MND1: variants seen among roughly 807,000 people sequenced by gnomAD.
MND1 encodes the protein meiotic nuclear division protein 1 homolog.
A neutral mutation model predicts 35.1 loss-of-function variants in MND1; 28 were observed. The ratio of observed to expected loss-of-function variants is 0.80; its 90% CI spans 0.59 to 1.09. MND1 has a LOEUF of 1.09. Ranked by LOEUF, MND1 falls within the 50% of genes least tolerant of loss-of-function variation. The pLI is 0.00. For missense variants in MND1, 213 were observed against 239.6 expected (o/e 0.89, Z 0.73); for synonymous variants, 69 against 70.5 (o/e 0.98, Z 0.11).
At chr4:153,350,286 A>G (rs1773182743) in intron 2 of MND1, among the ~76,000 whole-genome samples, 157 bp downstream of exon 2, 1 of 152,198 alleles carries the variant, frequency 6.6e-6, no homozygotes, top group Admixed American at 6.6e-5. Context: ...CCTGTGAGTT[A>G]TGGAGTGTGA....
chr4:153,394,334 A>G lies in MND1; in HGVS notation c.349A>G (p.Thr117Ala), dbSNP rs1367647526. 1.2e-6 allele frequency: 2 copies of G among 1,610,918 alleles called. No individual in the cohort carries two copies. The highest frequency in any genetic ancestry group is 3.3e-5 in the Admixed American group (2 of 59,844). The change falls in exon 5 of 8, where the codon ACG becomes GCG. Residue 117 changes from threonine to alanine, a missense_variant and splice_region_variant. By Grantham distance (58) the Thr-to-Ala change is moderately conservative. Transcript: ENST00000240488. The part of the protein sequence containing the change: ...IEKAKIGRCE[T>A]EERTRLAKEL... ...GAAAGCTAAAATTGGCCGATGTGAA[A>G]CGGTAAGTTTGTGTCTATAGATTAT... is the stretch of plus-strand genomic sequence containing the variant.
At chr4:153,371,565 A>G (rs941067844) in intron 4 of MND1, among the ~76,000 whole-genome samples, 4 of 151,990 alleles carry the variant, frequency 2.6e-5, no homozygotes, top group Admixed American at 1.3e-4. Context: ...CTAGCTTCCA[A>G]CTTTTTCTGT....
chr4:153,348,368 A>G (rs1254831761), intron 1 of MND1, among the ~76,000 whole-genome samples: 1 of 152,152 alleles, frequency 6.6e-6, no homozygotes, highest in East Asian at 1.9e-4. Context: ...AAGTTTGTCC[A>G]GCAGGCGGGT....
intron 4 of MND1, among the ~76,000 whole-genome samples, chr4:153,392,766 C>T (rs1177749648): frequency 6.6e-6 from 1 of 152,138 alleles, no homozygotes; most frequent in Non-Finnish European, 1.5e-5. Flanking sequence ...TAATCCATTT[C>T]CACATATAAC....
At chr4:153,370,872 A>G (rs961263557) in intron 4 of MND1, among the ~76,000 whole-genome samples, 3 of 152,038 alleles carry the variant, frequency 2.0e-5, no homozygotes, top group Admixed American at 6.5e-5. Flanking sequence ...AAGGTTTTCA[A>G]TTTACTTTGC....
intron 6 of MND1, among the ~76,000 whole-genome samples, chr4:153,405,304 C>T (rs1292592124): frequency 6.6e-6 from 1 of 152,092 alleles, no homozygotes; most frequent in Non-Finnish European, 1.5e-5. Flanking sequence ...CTTCGGGAAG[C>T]TGAGGCGGGT....
intron 4 of MND1, 66 bp from the exon 5 acceptor site, chr4:153,394,196 G>A (rs1246500234): frequency 6.7e-7 from 1 of 1,485,034 alleles, no homozygotes; most frequent in African/African-American, 1.4e-5. Flanking sequence ...GGTGGACTTT[G>A]TTTTCATCAA....
intron 6 of MND1, among the ~76,000 whole-genome samples, chr4:153,400,445 T>C (rs1048094214): frequency 3.9e-5 from 6 of 152,130 alleles, no homozygotes; most frequent in Non-Finnish European, 1.5e-5. Context: ...CCCAGCACTT[T>C]GGGAGGCCAA....
At chr4:153,352,581 A>G (rs1469352212) in intron 2 of MND1, among the ~76,000 whole-genome samples, 2 of 152,060 alleles carry the variant, frequency 1.3e-5, no homozygotes, top group Admixed American at 6.6e-5. Flanking sequence ...GCTTTATTAA[A>G]TGTTATCTAG....
intron 4 of MND1, among the ~76,000 whole-genome samples, chr4:153,362,374 TAGTG>T (rs1443102579): frequency 3.9e-5 from 6 of 152,264 alleles, no homozygotes; most frequent in African/African-American, 1.2e-4. Context: ...GTTCTTGTGA[TAGTG>T]AGTGAGTTCT....
chr4:153,357,370 T>C (rs1392651609), intron 3 of MND1, among the ~76,000 whole-genome samples: 1 of 152,184 alleles, frequency 6.6e-6, no homozygotes, highest in East Asian at 1.9e-4. Flanking sequence ...AACACCTATG[T>C]TGTTCAAGAT....
intron 6 of MND1, among the ~76,000 whole-genome samples, chr4:153,408,171 G>A (rs1325981389): frequency 1.3e-5 from 2 of 152,048 alleles, no homozygotes; most frequent in African/African-American, 2.4e-5. Flanking sequence ...TCAGAAAACT[G>A]AGGCAGGAGG....
chr4:153,374,496 C>G (rs977085740), intron 4 of MND1, among the ~76,000 whole-genome samples: 1 of 152,132 alleles, frequency 6.6e-6, no homozygotes, highest in African/African-American at 2.4e-5. Context: ...AGAAGCCACT[C>G]AGTTCATGTT....
At chr4:153,391,351 CAG>C (rs1214534228) in intron 4 of MND1, among the ~76,000 whole-genome samples, 1 of 151,938 alleles carries the variant, frequency 6.6e-6, no homozygotes, top group African/African-American at 2.4e-5. Flanking sequence ...TTAGTAGAGA[CAG>C]GGTTTCCCCA....
intron 4 of MND1, among the ~76,000 whole-genome samples, chr4:153,393,405 CTG>C: frequency 7.2e-6 from 1 of 138,548 alleles, no homozygotes; most frequent in East Asian, 2.1e-4. Context: ...GGGTCTCACT[CTG>C]TCACCCAGGC....
At chr4:153,390,899 GTGTGTGTGTGTGTGTGTATA>G (rs1729006800) in intron 4 of MND1, among the ~76,000 whole-genome samples, 1 of 136,382 alleles carries the variant, frequency 7.3e-6, no homozygotes, top group Admixed American at 7.5e-5. Context: ...ATGTGTGTGT[GTGTGTGTGTGTGTGTGTATA>G]TGTGTGTGTG....
rs749731824 is a variant in MND1, at chr4:153,410,014, G to A, written c.511+999G>A. On this transcript the variant is annotated intron_variant, in intron 7 of 7. Transcript: ENST00000240488. ...AGCATGTGTGTGTAGTGGGAGGAAC[G>A]TGGCTTTGAAGAGAATCCAAGCTAT... is the stretch of plus-strand genomic sequence containing the variant. Among the ~76,000 whole-genome samples the A allele has an allele frequency of 4.6e-5, 7 of 152,270 alleles. No individual in the cohort carries two copies. The South Asian group carries it at 8.3e-4, about 18-fold the overall frequency.
chr4:153,344,671 G>T (rs1773023449), upstream of MND1: 3 of 1,462,454 alleles, frequency 2.1e-6, no homozygotes, highest in Non-Finnish European at 2.8e-6. Context: ...AATCAAACGC[G>T]TCCTGGCCTG....
At chr4:153,377,960 A>G (rs1434000667) in intron 4 of MND1, among the ~76,000 whole-genome samples, 1 of 152,034 alleles carries the variant, frequency 6.6e-6, no homozygotes, top group Non-Finnish European at 1.5e-5. Flanking sequence ...TTTTATATAT[A>G]TCTTTTCTCA....
Sources: allele counts gnomAD v4.1 joint callset (sites outside exome capture counted in the v4.1 genomes callset), GRCh38; gene constraint gnomAD v4.1.1; transcripts MANE v1.5; gene names NCBI Gene and HGNC (gene_info 2026-07-23, HGNC 2026-07-21).